The following A1CF variants were observed in gnomAD, a reference collection of about 807,000 sequenced individuals.
A1CF encodes the protein APOBEC1 complementation factor, also known as APOBEC-1 stimulating protein.
In A1CF, 48 loss-of-function variants were observed where a neutral mutation model predicts 68.9. The ratio of observed to expected loss-of-function variants is 0.70; its 90% confidence interval spans 0.55 to 0.89. The LOEUF (loss-of-function observed/expected upper bound fraction) is 0.89. A1CF is among the 40% of genes least tolerant of loss of function. The pLI, the probability that A1CF is intolerant of heterozygous loss-of-function variation, is 0.00. For synonymous variants in A1CF, 272 were observed against 260.4 expected, an observed-to-expected ratio of 1.04 and a Z score of -0.43; for missense variants, 653 against 718.9, an observed-to-expected ratio of 0.91 and a Z score of 1.05.
intron 8 of A1CF, among the ~76,000 whole-genome samples, chr10:50,818,318 T>G (rs1197490049): frequency 6.6e-6 from 1 of 152,116 alleles, no homozygotes; most frequent in African/African-American, 2.4e-5. Context: ...TCTAACAAAT[T>G]AAATATAAAT....
chr10:50,841,981 A>C lies in A1CF; in HGVS notation c.246T>G (p.Ile82Met), dbSNP rs1383516092. The change falls in exon 5 of 13, where the codon ATT becomes ATG. Residue 82 changes from isoleucine (I) to methionine (M), a missense_variant. Transcript: ENST00000373997. ...AATCCATCATCATTCTCATTTCATA[A>C]ATTTTACCGATCTGCAAGTAATAGA... is the stretch of plus-strand genomic sequence containing the variant. Reference protein sequence around the residue: ...LIPLCEKIGKIYEMRMMMDFN... With the variant: ...LIPLCEKIGKMYEMRMMMDFN... 5 of 1,608,412 alleles carry C rather than the reference A, an allele frequency of 3.1e-6. No homozygotes were observed. The South Asian group carries it at 4.4e-5, about 14-fold the overall frequency.
chr10:50,809,646 A>T (rs1013596630), intron 12 of A1CF, among the ~76,000 whole-genome samples: 35 of 152,266 alleles, frequency 2.3e-4, no homozygotes, highest in Admixed American at 2.6e-4. Context: ...AGAGAGACTG[A>T]CTCATTCAAG....
intron 6 of A1CF, among the ~76,000 whole-genome samples, chr10:50,833,717 G>A (rs939013676): frequency 6.6e-6 from 1 of 152,158 alleles, no homozygotes; most frequent in South Asian, 2.1e-4. Flanking sequence ...TCTGCAATGG[G>A]GTAACAGGTA....
In A1CF at chr10:50,811,123, C is replaced by T. The variant is rs756945181; in HGVS notation, c.1377G>A (p.Leu459=). ...KNNWGQPVYQ[L]HSAIGQDQRQ... is the part of the protein sequence containing the mutation. ...TTTGGTCTTGTCCAATAGCAGAGTGCAGCTGGTACACTGGCTGTCCCCAGT... is the reference window on the plus strand; with the variant it reads ...TTTGGTCTTGTCCAATAGCAGAGTGTAGCTGGTACACTGGCTGTCCCCAGT... The change falls in exon 11 of 13, where the codon CTG becomes CTA. Residue 459 remains leucine, a synonymous_variant. Transcript: ENST00000373997. The T allele has an allele frequency of 2.4e-5, 38 of 1,613,128 alleles. No homozygotes were observed. The Admixed American group carries it at 6.2e-4, about 26-fold the overall frequency.
intron 1 of A1CF, among the ~76,000 whole-genome samples, chr10:50,871,163 C>T (rs1289239234): frequency 6.6e-6 from 1 of 151,666 alleles, no homozygotes; most frequent in Non-Finnish European, 1.5e-5. Context: ...CATTTATTCT[C>T]ATTAAAAACA....
At chr10:50,842,232 T>A (rs1446320423) in intron 4 of A1CF, among the ~76,000 whole-genome samples, 1 of 152,236 alleles carries the variant, frequency 6.6e-6, no homozygotes, top group Non-Finnish European at 1.5e-5. Flanking sequence ...ACAAGTGACA[T>A]TTCAGCCTGA....
chr10:50,848,645 C>T (rs80263179), intron 3 of A1CF, among the ~76,000 whole-genome samples: 1,651 of 152,160 alleles, frequency 0.011, 23 homozygotes, highest in South Asian at 0.016. Context: ...AGTTTGTAAT[C>T]GTCTTTGTGG....
rs1307599547 is a variant in A1CF at position 50,841,906 on chromosome 10, C to T, written c.321G>A (p.Val107=). The change falls in exon 5 of 13, where the codon GTG becomes GTA. Residue 107 remains valine, a synonymous_variant. Coordinates refer to ENST00000373997, the MANE Select transcript of A1CF (RefSeq NM_014576.4). ...GTTGCTTGATTGCATTCTTGGCTTC[C>T]ACTTTATTTGAAAATGTTACAAATG... ...GYAFVTFSNK[V]EAKNAIKQLN... 1.9e-6 allele frequency: 3 copies of T among 1,613,140 alleles called. No individual in the cohort carries two copies. Among genetic ancestry groups the T allele is most frequent in the African/African-American group, 2.7e-5 (2 of 74,878 alleles).
chr10:50,877,268 G>T (rs533412466), intron 1 of A1CF, among the ~76,000 whole-genome samples: 1 of 152,160 alleles, frequency 6.6e-6, no homozygotes, highest in Non-Finnish European at 1.5e-5. Flanking sequence ...AATTATTTGC[G>T]TGGTATATTA....
rs76641556 is a variant in A1CF at position 50,849,559 on chromosome 10, A to G, written c.100-5437T>C. Among the ~76,000 whole-genome samples, 414 of 152,304 alleles carry G rather than the reference A, an allele frequency of 2.7e-3. 9 individuals carry two copies. In the East Asian group the frequency reaches 0.068, roughly 25 times the overall value. ...AGCTACGATATGAACATTATCAAAT[A>G]TTAATTTAGCTTTATCATCATATAG... On this transcript the variant is annotated intron_variant, in intron 3 of 12. Coordinates refer to ENST00000373997, the MANE Select transcript of A1CF (RefSeq NM_014576.4).
intron 1 of A1CF, among the ~76,000 whole-genome samples, chr10:50,884,170 T>A (rs189739575): frequency 6.6e-6 from 1 of 152,218 alleles, no homozygotes. Context: ...GTAGGAAATG[T>A]TGATATTTGA....
At position 50,812,880 on chromosome 10, in the gene A1CF, T is replaced by A. The variant is rs74131485; in HGVS notation, c.1323+977A>T. Among the ~76,000 whole-genome samples, 1,475 of 152,318 alleles carry A rather than the reference T, an allele frequency of 9.7e-3. 18 individuals are homozygous for A. Among genetic ancestry groups the A allele is most frequent in the African/African-American group, 0.031 (1,278 of 41,578 alleles). ...TTAGCAGTCTGATAGGCATTTTTTT[T>A]AAAATTCCCTGGGTGGGGCTAGCAG... On this transcript the variant is annotated intron_variant, in intron 10 of 12. Transcript: ENST00000373997.
At chr10:50,876,183 T>C (rs1333599957) in intron 1 of A1CF, among the ~76,000 whole-genome samples, 1 of 152,234 alleles carries the variant, frequency 6.6e-6, no homozygotes, top group Non-Finnish European at 1.5e-5. Context: ...TATAGATGTA[T>C]AAGTGAACTA....
chr10:50,862,243 G>A (rs757845165), intron 2 of A1CF, among the ~76,000 whole-genome samples: 1 of 152,014 alleles, frequency 6.6e-6, no homozygotes, highest in South Asian at 2.1e-4. Flanking sequence ...GTGCATGCCT[G>A]TAATCCCAGC....
At position 50,820,660 on chromosome 10, in the gene A1CF, G is replaced by C. The variant is rs1205126553; in HGVS notation, c.770-11C>G. On this transcript the variant is annotated splice_polypyrimidine_tract_variant and intron_variant, in intron 7 of 12. Transcript: ENST00000373997. The stretch of plus-strand genomic sequence containing the variant: ...CCCTCTCCACAGCACCTGTAAAATA[G>C]AGTGAAGGTTGCCCCATTAACAAAA... 4 of 1,607,270 alleles carry C rather than the reference G, an allele frequency of 2.5e-6. No homozygotes were observed. The highest frequency in any genetic ancestry group is 1.3e-5 in the African/African-American group (1 of 74,636).
chr10:50,832,605 T>C (rs1403985203), intron 6 of A1CF, among the ~76,000 whole-genome samples: 1 of 152,164 alleles, frequency 6.6e-6, no homozygotes, highest in African/African-American at 2.4e-5. Context: ...TACAGAGTGA[T>C]TTGAGAGCAT....
chr10:50,808,780 G>GA (rs994114116), intron 12 of A1CF, among the ~76,000 whole-genome samples: 6 of 151,650 alleles, frequency 4.0e-5, no homozygotes, highest in Admixed American at 2.0e-4. Context: ...AAACTTTTGA[G>GA]AAAAAAAACC....
intron 6 of A1CF, among the ~76,000 whole-genome samples, chr10:50,829,895 T>C (rs756744940): frequency 4.6e-5 from 7 of 152,166 alleles, no homozygotes; most frequent in Non-Finnish European, 4.4e-5. Context: ...ATTTTTGCAT[T>C]TTTCCTTCCC....
chr10:50,874,570 G>A (rs1030174261), intron 1 of A1CF, among the ~76,000 whole-genome samples: 4 of 152,094 alleles, frequency 2.6e-5, no homozygotes, highest in Admixed American at 1.3e-4. Context: ...AACTGCAAAC[G>A]TTCTTAAATT....
Sources: gnomAD v4.1 joint callset for allele counts (sites outside exome capture counted in the v4.1 genomes callset) on GRCh38, gnomAD v4.1.1 for gene constraint, MANE v1.5 for transcripts, NCBI Gene and HGNC (gene_info 2026-07-23, HGNC 2026-07-21) for gene names.